The following LOXHD1 variants were observed in gnomAD, a reference collection of about 807,000 sequenced individuals.
LOXHD1 encodes the protein lipoxygenase homology PLAT domains 1.
Under a neutral mutation model 248.2 loss-of-function variants are expected in LOXHD1, and 205 were observed. That is an observed-to-expected ratio of 0.83 (90% CI 0.74 to 0.93). The LOEUF (loss-of-function observed/expected upper bound fraction) is 0.93, where lower values mean the gene tolerates loss of function less well. Ranked by LOEUF, LOXHD1 falls within the 40% of genes least tolerant of loss-of-function variation. The pLI, the probability that LOXHD1 is intolerant of heterozygous loss-of-function variation, is 0.00. For synonymous variants in LOXHD1, 1,113 were observed against 1,162.8 expected (o/e 0.96, Z 0.87); for missense variants, 2,930 against 2,971.6 (o/e 0.99, Z 0.33).
chr18:46,505,251 A>G (rs967320037), intron 37 of LOXHD1, among the ~76,000 whole-genome samples: 2 of 151,704 alleles, frequency 1.3e-5, no homozygotes, highest in African/African-American at 4.8e-5. Context: ...GCACAATCAT[A>G]GCTCACTGCA....
At chr18:46,623,184 A>C (rs2038692630) in intron 4 of LOXHD1, among the ~76,000 whole-genome samples, 1 of 152,178 alleles carries the variant, frequency 6.6e-6, no homozygotes. Flanking sequence ...TTCTCAAGAC[A>C]TTTTACTGCC....
At chr18:46,514,474 T>C (rs2035140749) in intron 34 of LOXHD1, among the ~76,000 whole-genome samples, 1 of 152,164 alleles carries the variant, frequency 6.6e-6, no homozygotes, top group African/African-American at 2.4e-5. Context: ...CCCTTTGCAG[T>C]CTCAGAGCTT....
chr18:46,582,582 C>A (rs1488857372), intron 12 of LOXHD1, among the ~76,000 whole-genome samples: 1 of 152,128 alleles, frequency 6.6e-6, no homozygotes, highest in Non-Finnish European at 1.5e-5. Flanking sequence ...AAATGTCAAT[C>A]TGAACATATC....
At chr18:46,569,403 G>A in intron 16 of LOXHD1, 39 bp downstream of exon 16, 1 of 1,517,042 alleles carries the variant, frequency 6.6e-7, no homozygotes, top group South Asian at 1.2e-5. Flanking sequence ...TTCGGAAATG[G>A]GTGGGATGAT....
rs535982993 is a variant in LOXHD1 at position 46,505,166 on chromosome 18, A to G, written c.5878+672T>C. ...AACAACTTTAGGATTACTATTATGA[A>G]TAAACAAGCATAATCCCTTCTTTTT... On this transcript the variant is annotated intron_variant, in intron 37 of 40. Transcript: ENST00000642948. 5.3e-4 allele frequency among the ~76,000 whole-genome samples: 80 copies of G among 152,180 alleles called. 2 individuals are homozygous for G. The South Asian group carries it at 0.016, about 30-fold the overall frequency.
intron 22 of LOXHD1, among the ~76,000 whole-genome samples, chr18:46,545,919 G>A (rs554461345): frequency 2.8e-5 from 4 of 141,398 alleles, no homozygotes; most frequent in Admixed American, 2.2e-4. Context: ...GTGAGCCACC[G>A]CGCCTCTTGG....
rs547570965 is a variant in LOXHD1, at chr18:46,521,311, G to C, written c.5086-29C>G. 11 of 1,550,976 alleles carry C rather than the reference G, an allele frequency of 7.1e-6. No individual in the cohort carries two copies. In the Admixed American group the frequency reaches 1.8e-4, roughly 25 times the overall value. ...GGAGGAGACACACCTGATCTGTGAC[G>C]ATCTGGGCACAACTGGGAAGGAAGT... is the stretch of plus-strand genomic sequence containing the variant. On this transcript the variant is annotated intron_variant, in intron 32 of 40. Transcript: ENST00000642948.
chr18:46,510,102 T>C (rs778438556), intron 34 of LOXHD1, among the ~76,000 whole-genome samples: 7 of 152,220 alleles, frequency 4.6e-5, no homozygotes, highest in Non-Finnish European at 1.0e-4. Context: ...CTAGTTCCTT[T>C]CTAGAACTTG....
At chr18:46,532,119 T>C (rs540380471) in intron 28 of LOXHD1, among the ~76,000 whole-genome samples, 2 of 152,374 alleles carry the variant, frequency 1.3e-5, no homozygotes, top group South Asian at 4.1e-4. Flanking sequence ...CTCCAGTTTT[T>C]CCAAGAAGAC....
chr18:46,591,745 C>A (rs185992450), intron 12 of LOXHD1, among the ~76,000 whole-genome samples, 188 bp downstream of exon 12: 1 of 152,276 alleles, frequency 6.6e-6, no homozygotes, highest in African/African-American at 2.4e-5. Flanking sequence ...GGTAGAGCTC[C>A]GGCATCATGA....
intron 8 of LOXHD1, among the ~76,000 whole-genome samples, chr18:46,597,293 T>G (rs1223812276): frequency 6.6e-6 from 1 of 151,782 alleles, no homozygotes; most frequent in Non-Finnish European, 1.5e-5. Context: ...CAAAATAATT[T>G]TAAAAGAAGA....
intron 21 of LOXHD1, chr18:46,555,263 G>A (rs2037276936): frequency 4.4e-6 from 2 of 459,284 alleles, no homozygotes; most frequent in Non-Finnish European, 4.5e-6. Flanking sequence ...GCAACATTAA[G>A]CCCATTTATC....
chr18:46,555,393 G>C (rs1416544133), intron 21 of LOXHD1: 1 of 302,410 alleles, frequency 3.3e-6, no homozygotes, highest in South Asian at 3.0e-5. Context: ...GCTGTCCTAC[G>C]GTCTTTATGT....
intron 37 of LOXHD1, among the ~76,000 whole-genome samples, chr18:46,499,732 C>T (rs984256249): frequency 5.9e-5 from 9 of 152,122 alleles, no homozygotes; most frequent in African/African-American, 2.2e-4. Flanking sequence ...CATAAATCCA[C>T]AAATTACACA....
At chr18:46,513,993 T>C (rs2035110264) in intron 34 of LOXHD1, among the ~76,000 whole-genome samples, 1 of 152,134 alleles carries the variant, frequency 6.6e-6, no homozygotes, top group Non-Finnish European at 1.5e-5. Context: ...AGACAGAGCC[T>C]CCAGTCCCAG....
Position 46,657,065 on chromosome 18 carries a change from G to C in LOXHD1, c.-32C>G, listed in dbSNP as rs2039192881. On this transcript the variant is annotated 5_prime_UTR_variant, in exon 1 of 41. Transcript: ENST00000642948. ...GGCTGCCTTCTCCCAGCGCTCGCAG[G>C]CTCACTGTGCCGCCTCCTCACACCT... The C allele has an allele frequency of 3.2e-6, 5 of 1,551,372 alleles. No homozygotes were observed. Among genetic ancestry groups the C allele is most frequent in the Non-Finnish European group, 4.4e-6 (5 of 1,146,818 alleles).
chr18:46,538,491 C>T (rs1026966805), intron 25 of LOXHD1, among the ~76,000 whole-genome samples, 154 bp from the exon 26 acceptor site: 3 of 152,204 alleles, frequency 2.0e-5, no homozygotes, highest in African/African-American at 7.2e-5. Context: ...TGGACCTTCA[C>T]AAGGTTGCCT....
At chr18:46,566,769 G>A (rs1175766471) in intron 16 of LOXHD1, among the ~76,000 whole-genome samples, 2 of 152,184 alleles carry the variant, frequency 1.3e-5, no homozygotes, top group Non-Finnish European at 2.9e-5. Context: ...ATCATGTTAG[G>A]TCATGGCCAT....
At chr18:46,631,441 G>A (rs1296496609) in intron 4 of LOXHD1, among the ~76,000 whole-genome samples, 1 of 152,162 alleles carries the variant, frequency 6.6e-6, no homozygotes, top group East Asian at 1.9e-4. Context: ...CCTGATTGCA[G>A]AATCACTGCA....
Sources: gnomAD v4.1 joint callset for allele counts (sites outside exome capture counted in the v4.1 genomes callset) on GRCh38, gnomAD v4.1.1 for gene constraint, MANE v1.5 for transcripts, NCBI Gene and HGNC (gene_info 2026-07-23, HGNC 2026-07-21) for gene names.